Variants in CCDC158 observed in about 807,000 individuals in gnomAD.
CCDC158 encodes coiled-coil domain-containing protein 158.
Under a neutral mutation model 138.6 loss-of-function variants are expected in CCDC158, and 116 were observed. That is an observed-to-expected ratio of 0.84 (90% CI 0.72 to 0.98). The LOEUF (loss-of-function observed/expected upper bound fraction) is 0.98, where lower values mean the gene tolerates loss of function less well. Among genes scored for constraint, CCDC158 ranks in the 50% least tolerant of loss-of-function variants. CCDC158 has a pLI of 0.00. For synonymous variants in CCDC158, 436 were observed against 442.4 expected (o/e 0.99, Z 0.18); for missense variants, 1,265 against 1,306.1 (o/e 0.97, Z 0.48).
rs1205892572 is a variant in CCDC158, at chr4:76,323,317, G to A, written c.3262C>T (p.Gln1088Ter). The A allele has an allele frequency of 1.2e-6, 2 of 1,611,374 alleles. No homozygotes were observed. Among genetic ancestry groups the A allele is most frequent in the South Asian group, 1.1e-5 (1 of 90,400 alleles). ...ESLQTLVEDL[Q>*]LKNQAMSSMI... is the part of the protein sequence containing the mutation. ...TACACTGTACCTTGGTTCTTCAGCTGTAAATCTTCTACCAGAGTTTGCAAG... is the reference window on the plus strand; with the variant it reads ...TACACTGTACCTTGGTTCTTCAGCTATAAATCTTCTACCAGAGTTTGCAAG... The change falls in exon 24 of 25, where the codon CAG becomes TAG. Residue 1088 changes from glutamine to a stop codon, truncating the protein, a stop_gained. Transcript: ENST00000682701. LOFTEE classifies it high-confidence loss of function.
intron 2 of CCDC158, among the ~76,000 whole-genome samples, chr4:76,408,250 A>C (rs557558302): frequency 6.5e-4 from 99 of 151,906 alleles, no homozygotes; most frequent in African/African-American, 2.1e-3. Context: ...GGTTTGTTAC[A>C]TATGTACACA....
At chr4:76,400,691 T>C (rs1237511635) in intron 3 of CCDC158, among the ~76,000 whole-genome samples, 2 of 152,136 alleles carry the variant, frequency 1.3e-5, no homozygotes, top group African/African-American at 4.8e-5. Flanking sequence ...AAAGATTTCT[T>C]AGCAGCATCC....
At chr4:76,408,081 A>T (rs993513289) in intron 2 of CCDC158, among the ~76,000 whole-genome samples, 23 of 151,010 alleles carry the variant, frequency 1.5e-4, no homozygotes, top group African/African-American at 4.8e-4. Context: ...AAAAAATTTT[A>T]TTATTATTAT....
At chr4:76,379,743 TACACACAC>T (rs34043671) in intron 8 of CCDC158, among the ~76,000 whole-genome samples, 6,065 of 146,832 alleles carry the variant, frequency 0.041, 245 homozygotes, top group East Asian at 0.21. Flanking sequence ...TCATATATAT[TACACACAC>T]ACACACACAC....
At chr4:76,417,815 T>C (rs974359292) in intron 1 of CCDC158, among the ~76,000 whole-genome samples, 1 of 152,082 alleles carries the variant, frequency 6.6e-6, no homozygotes, top group African/African-American at 2.4e-5. Flanking sequence ...TGGCCAGGGA[T>C]AACTTCTTAA....
At chr4:76,400,410 G>C (rs1237400572) in intron 3 of CCDC158, among the ~76,000 whole-genome samples, 3 of 137,378 alleles carry the variant, frequency 2.2e-5, no homozygotes, top group East Asian at 4.8e-4. Context: ...GTTGTGGGGT[G>C]GGGGGAGGGG....
At chr4:76,361,115 GCTCT>G (rs560813195) in intron 13 of CCDC158, among the ~76,000 whole-genome samples, 1 of 152,068 alleles carries the variant, frequency 6.6e-6, no homozygotes, top group African/African-American at 2.4e-5. Flanking sequence ...CCCTTTGTGT[GCTCT>G]CTCTCTGTCT....
At chr4:76,401,295 G>A in intron 3 of CCDC158, 1 of 486,088 alleles carries the variant, frequency 2.1e-6, no homozygotes, top group Admixed American at 2.0e-5. Flanking sequence ...TATAAAAAGT[G>A]TGGCAAGCAC....
Position 76,367,281 on chromosome 4 carries a change from A to G in CCDC158, c.1830+13T>C. On this transcript the variant is annotated intron_variant, in intron 12 of 24. Coordinates refer to ENST00000682701, the MANE Select transcript of CCDC158 (RefSeq NM_001394954.1). ...ATATTTCAGAAGTTAAATCACAAAA[A>G]AACTCTACAGACCTTAAGTTCCTTT... 6.3e-7 allele frequency: 1 copy of G among 1,596,820 alleles called. No individual in the cohort carries two copies. The highest frequency in any genetic ancestry group is 8.5e-7 in the Non-Finnish European group (1 of 1,171,106).
At chr4:76,418,724 T>C (rs563653524) in intron 1 of CCDC158, among the ~76,000 whole-genome samples, 10 of 152,272 alleles carry the variant, frequency 6.6e-5, no homozygotes, top group African/African-American at 2.4e-4. Flanking sequence ...CCTGCCCCCA[T>C]GATTCAATTA....
intron 3 of CCDC158, among the ~76,000 whole-genome samples, chr4:76,396,902 G>A (rs929165680): frequency 2.0e-5 from 3 of 152,196 alleles, no homozygotes; most frequent in African/African-American, 4.8e-5. Context: ...ATTGAACCCC[G>A]AAGAAGCTCA....
chr4:76,359,118 A>G lies in CCDC158; in HGVS notation c.2021-1592T>C, dbSNP rs11097335. ...CTCTTCTCTCTCTCTCTCTCTCTCT[A>G]CTGCTACCATGTGAAGATGTGCTTG... On this transcript the variant is annotated intron_variant, in intron 13 of 24. Coordinates refer to ENST00000682701, the MANE Select transcript of CCDC158 (RefSeq NM_001394954.1). 1.8e-3 allele frequency among the ~76,000 whole-genome samples: 266 copies of G among 150,818 alleles called. 5 individuals are homozygous for G. The East Asian group carries it at 0.044, about 25-fold the overall frequency.
rs1726561553 is a variant in CCDC158 at position 76,384,233 on chromosome 4, A to G, written c.581T>C (p.Val194Ala). The change falls in exon 6 of 25, where the codon GTT becomes GCT. Residue 194 changes from valine (V) to alanine (A), a missense_variant. Physicochemically the swap from Val to Ala is moderately conservative, Grantham distance 64. Coordinates refer to ENST00000682701, the MANE Select transcript of CCDC158 (RefSeq NM_001394954.1). ...TTTGCCTGAGGCTTCTTCAAAGTCA[A>G]CTAGGATTGACCGGATTTCTTGAAG... ...GVLQEIRSIL[V>A]DFEEASGKKI... is the part of the protein sequence containing the mutation. 1 of 1,614,164 alleles carries G rather than the reference A, an allele frequency of 6.2e-7. No homozygotes were observed. The highest frequency in any genetic ancestry group is 8.5e-7 in the Non-Finnish European group (1 of 1,180,014).
intron 21 of CCDC158, 49 bp downstream of exon 21, chr4:76,331,295 G>T: frequency 6.8e-7 from 1 of 1,474,902 alleles, no homozygotes. Context: ...AATTAATAAT[G>T]AACAGTCGTA....
chr4:76,344,584 C>T (rs1722365318), intron 18 of CCDC158: 1 of 1,221,382 alleles, frequency 8.2e-7, no homozygotes. Flanking sequence ...AATGTTGATC[C>T]CTCGCTTCAG....
At chr4:76,319,030 T>C (rs1217800843) in intron 24 of CCDC158, among the ~76,000 whole-genome samples, 3 of 151,994 alleles carry the variant, frequency 2.0e-5, no homozygotes, top group East Asian at 3.9e-4. Context: ...CCCAGCACTT[T>C]AGGAGGCTGG....
intron 14 of CCDC158, among the ~76,000 whole-genome samples, chr4:76,355,666 T>A (rs1038358573): frequency 1.3e-5 from 2 of 152,058 alleles, no homozygotes; most frequent in Non-Finnish European, 2.9e-5. Flanking sequence ...TATAATCATG[T>A]TTTGTAGGGT....
intron 18 of CCDC158, among the ~76,000 whole-genome samples, chr4:76,335,900 G>A (rs1721438984): frequency 6.6e-6 from 1 of 151,214 alleles, no homozygotes; most frequent in Non-Finnish European, 1.5e-5. Context: ...GCATTCAATT[G>A]GCAGGGCGCG....
intron 3 of CCDC158, 22 bp from the exon 4 acceptor site, chr4:76,396,508 A>G: frequency 6.4e-7 from 1 of 1,568,306 alleles, no homozygotes; most frequent in Non-Finnish European, 8.7e-7. Context: ...AGAATTCATT[A>G]ATTAACTTTT....
Sources: gnomAD v4.1 joint callset for allele counts (sites outside exome capture counted in the v4.1 genomes callset) on GRCh38, gnomAD v4.1.1 for gene constraint, MANE v1.5 for transcripts, NCBI Gene and HGNC (gene_info 2026-07-23, HGNC 2026-07-21) for gene names.